Variants in SNX29 observed in about 807,000 individuals in gnomAD.
SNX29 encodes sorting nexin 29.
Under a neutral mutation model 102.1 loss-of-function variants are expected in SNX29, and 78 were observed. The observed-to-expected ratio is 0.76, with a 90% confidence interval of 0.64 to 0.92. The LOEUF (loss-of-function observed/expected upper bound fraction) is 0.92. Ranked by LOEUF, SNX29 falls within the 40% of genes least tolerant of loss-of-function variation. The pLI, the probability that SNX29 is intolerant of heterozygous loss-of-function variation, is 0.00. For missense variants in SNX29, 1,280 were observed against 1,061.7 expected, an observed-to-expected ratio of 1.21 and a Z score of -2.86; for synonymous variants, 580 against 414.5, an observed-to-expected ratio of 1.40 and a Z score of -4.85.
At chr16:12,335,181 C>T (rs901029100) in intron 15 of SNX29, among the ~76,000 whole-genome samples, 3 of 151,990 alleles carry the variant, frequency 2.0e-5, no homozygotes, top group Non-Finnish European at 4.4e-5. Context: ...ATCATCATCT[C>T]GCTATTGTCT....
At chr16:12,160,560 G>T (rs1051996657) in intron 13 of SNX29, among the ~76,000 whole-genome samples, 2 of 152,154 alleles carry the variant, frequency 1.3e-5, no homozygotes, top group Non-Finnish European at 2.9e-5. Flanking sequence ...CCGTGGTTGG[G>T]GTGTGGGTGG....
intron 15 of SNX29, among the ~76,000 whole-genome samples, chr16:12,326,380 G>A (rs1004395313): frequency 5.9e-5 from 9 of 151,488 alleles, no homozygotes; most frequent in Non-Finnish European, 1.5e-5. Flanking sequence ...GTTGGGAGGG[G>A]CCCTGGAAGG....
At chr16:12,560,557 C>G (rs544623720) in intron 20 of SNX29, among the ~76,000 whole-genome samples, 2 of 152,174 alleles carry the variant, frequency 1.3e-5, no homozygotes, top group Non-Finnish European at 2.9e-5. Context: ...AAACGTTGCT[C>G]AGTGTGATTC....
At chr16:12,561,596 T>C (rs543648812) in intron 20 of SNX29, among the ~76,000 whole-genome samples, 1 of 152,236 alleles carries the variant, frequency 6.6e-6, no homozygotes, top group African/African-American at 2.4e-5. Context: ...CGCATGCTGG[T>C]GACAGGACAC....
At chr16:12,543,874 A>G (rs1402590829) in intron 20 of SNX29, among the ~76,000 whole-genome samples, 1 of 152,212 alleles carries the variant, frequency 6.6e-6, no homozygotes, top group Non-Finnish European at 1.5e-5. Context: ...CTCTTACCAC[A>G]CTACAAGAGC....
chr16:12,430,450 A>T (rs1343296869), intron 18 of SNX29, among the ~76,000 whole-genome samples: 2 of 152,180 alleles, frequency 1.3e-5, no homozygotes, highest in Non-Finnish European at 2.9e-5. Flanking sequence ...GATCAGGCAC[A>T]CCTGCTTTGG....
At chr16:12,484,375 G>A (rs567483273) in intron 19 of SNX29, among the ~76,000 whole-genome samples, 1 of 152,246 alleles carries the variant, frequency 6.6e-6, no homozygotes, top group South Asian at 2.1e-4. Context: ...TGCAGTGGCT[G>A]GCCTTTTTCT....
chr16:12,490,944 A>G (rs1191662246), intron 19 of SNX29, among the ~76,000 whole-genome samples: 2 of 152,226 alleles, frequency 1.3e-5, no homozygotes, highest in African/African-American at 2.4e-5. Flanking sequence ...CTGCGGAATC[A>G]TTCTGTGTCC....
chr16:12,036,819 T>A (rs1444771968), intron 4 of SNX29, among the ~76,000 whole-genome samples: 3 of 152,190 alleles, frequency 2.0e-5, no homozygotes, highest in African/African-American at 7.2e-5. Context: ...ACATGCCCTG[T>A]CTCACTGCGT....
chr16:12,311,284 T>C (rs2080534736), intron 15 of SNX29, among the ~76,000 whole-genome samples: 1 of 152,164 alleles, frequency 6.6e-6, no homozygotes, highest in African/African-American at 2.4e-5. Context: ...TAGAGATCTT[T>C]CCTACCAGGT....
At chr16:12,406,821 A>G (rs1403625315) in intron 18 of SNX29, among the ~76,000 whole-genome samples, 1 of 152,186 alleles carries the variant, frequency 6.6e-6, no homozygotes, top group Non-Finnish European at 1.5e-5. Context: ...AGACAGGACA[A>G]TCGCTTGAAC....
chr16:12,180,645 G>A (rs550008847), intron 13 of SNX29, among the ~76,000 whole-genome samples: 2 of 152,174 alleles, frequency 1.3e-5, no homozygotes, highest in African/African-American at 2.4e-5. Flanking sequence ...CACCACGTCC[G>A]GCTAATTTTT....
At chr16:12,318,028 G>A (rs965891167) in intron 15 of SNX29, among the ~76,000 whole-genome samples, 1 of 152,252 alleles carries the variant, frequency 6.6e-6, no homozygotes, top group Non-Finnish European at 1.5e-5. Flanking sequence ...ACCGATGGAG[G>A]ACTGACCTTG....
intron 18 of SNX29, among the ~76,000 whole-genome samples, chr16:12,416,881 C>T (rs1239763745): frequency 1.3e-5 from 2 of 152,230 alleles, no homozygotes; most frequent in East Asian, 3.8e-4. Context: ...CCACTAGGCC[C>T]ACCTCCAGCT....
chr16:12,229,077 C>T (rs919628016), intron 14 of SNX29, among the ~76,000 whole-genome samples: 1 of 152,270 alleles, frequency 6.6e-6, no homozygotes, highest in African/African-American at 2.4e-5. Flanking sequence ...GAGCCATTCC[C>T]TGGCCTGCCA....
chr16:11,990,422 A>G (rs2055804145), intron 1 of SNX29, among the ~76,000 whole-genome samples: 1 of 152,038 alleles, frequency 6.6e-6, no homozygotes, highest in South Asian at 2.1e-4. Flanking sequence ...GCTCATTTCC[A>G]TGCCTCACCT....
At chr16:12,294,111 T>G (rs920071369) in intron 15 of SNX29, among the ~76,000 whole-genome samples, 6 of 152,218 alleles carry the variant, frequency 3.9e-5, no homozygotes, top group Non-Finnish European at 7.3e-5. Flanking sequence ...CTGGTCAGAA[T>G]GTGAGAATCG....
intron 3 of SNX29, among the ~76,000 whole-genome samples, chr16:12,006,310 G>A (rs1051095770): frequency 1.3e-5 from 2 of 151,784 alleles, no homozygotes; most frequent in Non-Finnish European, 2.9e-5. Flanking sequence ...GAAGTCGGGA[G>A]TTTGAGACCA....
intron 19 of SNX29, among the ~76,000 whole-genome samples, chr16:12,489,922 C>T (rs1192248960): frequency 6.6e-6 from 1 of 152,150 alleles, no homozygotes; most frequent in Non-Finnish European, 1.5e-5. Context: ...TCTTGTGCCT[C>T]AGCCTCCTGA....
Sources: gnomAD v4.1 joint callset for allele counts (sites outside exome capture counted in the v4.1 genomes callset) on GRCh38, gnomAD v4.1.1 for gene constraint, MANE v1.5 for transcripts, NCBI Gene and HGNC (gene_info 2026-07-23, HGNC 2026-07-21) for gene names.